The following SLMAP variants were observed in gnomAD, a reference collection of about 807,000 sequenced individuals.
The protein encoded by SLMAP is sarcolemmal membrane-associated protein.
SLMAP carries 44 observed loss-of-function variants against 128.8 expected under a neutral mutation model. That is an observed-to-expected ratio of 0.34 (90% CI 0.27 to 0.44). The LOEUF (loss-of-function observed/expected upper bound fraction) is 0.44, where lower values mean the gene tolerates loss of function less well. SLMAP is among the 20% of genes least tolerant of loss of function. The pLI is 1.00. For missense variants in SLMAP, 787 were observed against 985.3 expected, an observed-to-expected ratio of 0.80 and a Z score of 2.69; for synonymous variants, 327 against 348.8, an observed-to-expected ratio of 0.94 and a Z score of 0.70.
At chr3:57,762,917 G>T (rs1259406958) in intron 2 of SLMAP, among the ~76,000 whole-genome samples, 1 of 152,116 alleles carries the variant, frequency 6.6e-6, no homozygotes, top group East Asian at 1.9e-4. Flanking sequence ...TAGAGACAGG[G>T]TTTCACCATT....
At chr3:57,909,958 T>TACA (rs769338867) in intron 19 of SLMAP, among the ~76,000 whole-genome samples, 3 of 151,370 alleles carry the variant, frequency 2.0e-5, no homozygotes, top group East Asian at 3.9e-4. Flanking sequence ...GATTGTCCAG[T>TACA]ACTCTCGTAT....
intron 2 of SLMAP, among the ~76,000 whole-genome samples, chr3:57,815,782 C>T (rs574507765): frequency 6.6e-6 from 1 of 152,020 alleles, no homozygotes; most frequent in South Asian, 2.1e-4. Flanking sequence ...TTTTATTTCT[C>T]TATCAGCTGT....
At chr3:57,905,894 G>T (rs753239097) in intron 17 of SLMAP, among the ~76,000 whole-genome samples, 1 of 151,978 alleles carries the variant, frequency 6.6e-6, no homozygotes, top group Non-Finnish European at 1.5e-5. Context: ...CCACAGCAAA[G>T]AATTTATTCA....
In SLMAP at chr3:57,917,024, T is replaced by A; in HGVS notation, c.2257T>A (p.Leu753Ile). Residue 753 changes from leucine (L) to isoleucine (I), a missense_variant, in exon 22 of 25, where the codon TTA (leucine) becomes ATA (isoleucine). By Grantham distance (5) the Leu-to-Ile change is conservative (BLOSUM62 2). Coordinates refer to ENST00000671191, the MANE Select transcript of SLMAP (RefSeq NM_001377540.1). ...ACAGCATCTTCGGGATTCAGCTGAT[T>A]TAAAAACTCTTCTCAGTAAGGCAGA... ...KEQHLRDSAD[L>I]KTLLSKAENQ... is the part of the protein sequence containing the mutation. 6.2e-7 allele frequency: 1 copy of A among 1,613,910 alleles called. No individual in the cohort carries two copies. Among genetic ancestry groups the A allele is most frequent in the Non-Finnish European group, 8.5e-7 (1 of 1,179,922 alleles).
chr3:57,771,450 C>G (rs1158369381), intron 2 of SLMAP, among the ~76,000 whole-genome samples: 2 of 152,072 alleles, frequency 1.3e-5, no homozygotes, highest in Admixed American at 6.6e-5. Context: ...AGGCTGGTCT[C>G]AAACTCCTGA....
chr3:57,831,369 G>A lies in SLMAP; in HGVS notation c.199-14G>A, dbSNP rs558579683. The A allele has an allele frequency of 7.0e-7, 1 of 1,428,268 alleles. No homozygotes were observed. The highest frequency in any genetic ancestry group is 2.6e-5 in the Admixed American group (1 of 38,898). The allele number at this position is 1,428,268 out of a possible 1,614,324, so 88.5% of individuals were successfully genotyped here. The stretch of plus-strand genomic sequence containing the variant: ...TAATATTTGGCCCTTTTTTGTTTTT[G>A]TTTTTTTTTGCAGTTTTATCTTCAA... On this transcript the variant is annotated splice_polypyrimidine_tract_variant and intron_variant, in intron 2 of 24. Transcript: ENST00000671191.
At chr3:57,854,197 T>A (rs1205985078) in intron 6 of SLMAP, among the ~76,000 whole-genome samples, 1 of 151,032 alleles carries the variant, frequency 6.6e-6, no homozygotes. Context: ...CAGTGGACTC[T>A]TACCTATTTT....
intron 5 of SLMAP, 143 bp downstream of exon 5, chr3:57,847,376 A>G (rs1326423292): frequency 1.8e-6 from 1 of 542,472 alleles, no homozygotes; most frequent in East Asian, 3.1e-5. Flanking sequence ...AGTTATTATA[A>G]TCTTCTGATC....
intron 5 of SLMAP, among the ~76,000 whole-genome samples, chr3:57,848,321 C>A (rs934183133): frequency 7.4e-5 from 11 of 149,302 alleles, no homozygotes; most frequent in African/African-American, 2.5e-4. Context: ...CCTTCTTCTC[C>A]CCCTTCTCCT....
At chr3:57,804,563 G>A (rs1053855844) in intron 2 of SLMAP, among the ~76,000 whole-genome samples, 7 of 152,238 alleles carry the variant, frequency 4.6e-5, no homozygotes, top group African/African-American at 9.6e-5. Flanking sequence ...GGGCAAAATG[G>A]TGAAACCTTA....
At chr3:57,778,539 C>T (rs757006138) in intron 2 of SLMAP, among the ~76,000 whole-genome samples, 16 of 147,232 alleles carry the variant, frequency 1.1e-4, no homozygotes, top group Middle Eastern at 3.4e-3. Context: ...TTAATTTCCT[C>T]CTCTTTTTCT....
At chr3:57,833,277 A>G (rs1436428703) in intron 3 of SLMAP, among the ~76,000 whole-genome samples, 2 of 152,004 alleles carry the variant, frequency 1.3e-5, no homozygotes, top group African/African-American at 4.8e-5. Flanking sequence ...ATAGAATGCA[A>G]CTCTTTCCAA....
At chr3:57,817,377 CTAT>C (rs2091983812) in intron 2 of SLMAP, among the ~76,000 whole-genome samples, 1 of 152,054 alleles carries the variant, frequency 6.6e-6, no homozygotes, top group Admixed American at 6.6e-5. Flanking sequence ...CAAATCCATT[CTAT>C]TATTAGTGGC....
At chr3:57,857,678 C>T (rs1480233024) in intron 6 of SLMAP, 55 bp from the exon 7 acceptor site, 5 of 1,190,738 alleles carry the variant, frequency 4.2e-6, no homozygotes, top group Non-Finnish European at 6.2e-6. Flanking sequence ...TTGATCACTC[C>T]TCAAAAGAAT....
At chr3:57,893,415 C>A (rs1390861230) in intron 15 of SLMAP, among the ~76,000 whole-genome samples, 1 of 150,712 alleles carries the variant, frequency 6.6e-6, no homozygotes, top group African/African-American at 2.4e-5. Context: ...CAGAGCAAGA[C>A]CCTGTCTGAA....
At chr3:57,858,914 C>A (rs1047477238) in intron 8 of SLMAP, among the ~76,000 whole-genome samples, 1 of 152,044 alleles carries the variant, frequency 6.6e-6, no homozygotes, top group African/African-American at 2.4e-5. Flanking sequence ...TGCAATGTAG[C>A]CTGGGCAACA....
intron 13 of SLMAP, among the ~76,000 whole-genome samples, chr3:57,865,863 T>G (rs923510035): frequency 2.6e-5 from 4 of 152,178 alleles, no homozygotes; most frequent in South Asian, 2.1e-4. Flanking sequence ...TTCCTGTCAC[T>G]ACACGGGGTA....
At position 57,871,747 on chromosome 3, in the gene SLMAP, A is replaced by C. The variant is rs752329517; in HGVS notation, c.1300+49A>C. Reference sequence around the variant, plus strand: ...TTGATTTTAATGAAGTCAGGGGCTAAAACTTAAAAGTGAGAGGTAAAATGA... The same window carrying C: ...TTGATTTTAATGAAGTCAGGGGCTACAACTTAAAAGTGAGAGGTAAAATGA... On this transcript the variant is annotated intron_variant, in intron 14 of 24. Transcript: ENST00000671191. The C allele has an allele frequency of 2.8e-6, 4 of 1,421,200 alleles. No individual in the cohort carries two copies. The South Asian group carries it at 4.7e-5, about 17-fold the overall frequency. 88.0% of individuals were successfully genotyped at this position (1,421,200 alleles called of 1,614,324 possible).
intron 2 of SLMAP, among the ~76,000 whole-genome samples, chr3:57,789,164 A>G (rs890064887): frequency 1.3e-5 from 2 of 152,160 alleles, no homozygotes; most frequent in Non-Finnish European, 2.9e-5. Context: ...TGCAAATGGG[A>G]TGTTGGTAAG....
Sources: gnomAD v4.1 joint callset for allele counts (sites outside exome capture counted in the v4.1 genomes callset) on GRCh38, gnomAD v4.1.1 for gene constraint, MANE v1.5 for transcripts, NCBI Gene and HGNC (gene_info 2026-07-23, HGNC 2026-07-21) for gene names.